PDGFC: variants seen among roughly 807,000 people sequenced by gnomAD.
The protein encoded by PDGFC is platelet derived growth factor C.
PDGFC carries 12 observed loss-of-function variants against 35.5 expected under a neutral mutation model. The observed-to-expected ratio is 0.34, with a 90% CI of 0.22 to 0.55. The LOEUF is 0.55. PDGFC is among the 20% of genes least tolerant of loss of function. The pLI is 0.91. For synonymous variants in PDGFC, 159 were observed against 148.8 expected (o/e 1.07, Z -0.50); for missense variants, 322 against 412.4 (o/e 0.78, Z 1.90).
At chr4:156,836,971 G>A (rs964561699) in intron 2 of PDGFC, among the ~76,000 whole-genome samples, 2 of 152,156 alleles carry the variant, frequency 1.3e-5, no homozygotes, top group African/African-American at 2.4e-5. Context: ...TTCTTTAGGA[G>A]TGAGGCTGTT....
intron 1 of PDGFC, among the ~76,000 whole-genome samples, chr4:156,965,944 C>A (rs1732455985): frequency 6.6e-6 from 1 of 152,114 alleles, no homozygotes. Flanking sequence ...GCAGAAGTAT[C>A]TCAGAGGCCT....
At chr4:156,849,236 A>C (rs1329137540) in intron 2 of PDGFC, among the ~76,000 whole-genome samples, 1 of 152,034 alleles carries the variant, frequency 6.6e-6, no homozygotes, top group African/African-American at 2.4e-5. Context: ...TAGTTCTCAA[A>C]GTCTAAAATT....
At chr4:156,872,290 A>G (rs1163214952) in intron 1 of PDGFC, among the ~76,000 whole-genome samples, 2 of 152,242 alleles carry the variant, frequency 1.3e-5, no homozygotes, top group Non-Finnish European at 2.9e-5. Context: ...GAGAAATCCA[A>G]GCAATGAAGC....
chr4:156,852,658 G>A (rs1401488618), intron 1 of PDGFC, among the ~76,000 whole-genome samples: 1 of 152,126 alleles, frequency 6.6e-6, no homozygotes, highest in African/African-American at 2.4e-5. Context: ...CCCATGATTA[G>A]GTTAGTTGAC....
chr4:156,812,756 G>C (rs1363057472), intron 2 of PDGFC, among the ~76,000 whole-genome samples: 1 of 151,986 alleles, frequency 6.6e-6, no homozygotes, highest in Non-Finnish European at 1.5e-5. Context: ...ACCTAACTCA[G>C]AGACATTTGA....
chr4:156,811,293 G>C (rs1731926197), intron 2 of PDGFC, among the ~76,000 whole-genome samples: 1 of 152,010 alleles, frequency 6.6e-6, no homozygotes, highest in African/African-American at 2.4e-5. Flanking sequence ...CATTTTGTAA[G>C]GAGCAACCCT....
chr4:156,898,730 G>A (rs1213598855), intron 1 of PDGFC, among the ~76,000 whole-genome samples: 1 of 151,958 alleles, frequency 6.6e-6, no homozygotes, highest in Non-Finnish European at 1.5e-5. Flanking sequence ...ACAAACACAG[G>A]CCACTGCAGC....
intron 3 of PDGFC, among the ~76,000 whole-genome samples, chr4:156,783,068 G>A (rs770651298): frequency 1.3e-5 from 2 of 152,126 alleles, no homozygotes; most frequent in Non-Finnish European, 2.9e-5. Context: ...CTAGAGCTTA[G>A]AGAATTAGAA....
intron 1 of PDGFC, among the ~76,000 whole-genome samples, chr4:156,874,554 T>C (rs1322083483): frequency 6.6e-6 from 1 of 151,940 alleles, no homozygotes; most frequent in African/African-American, 2.4e-5. Context: ...GTCAATGAAA[T>C]TGAAATAAAA....
chr4:156,928,882 A>C (rs1731482609), intron 1 of PDGFC, among the ~76,000 whole-genome samples: 2 of 152,336 alleles, frequency 1.3e-5, no homozygotes, highest in South Asian at 4.1e-4. Context: ...GTTTATCTCT[A>C]TGATGTTGGT....
At chr4:156,790,180 T>A (rs1266975166) in intron 3 of PDGFC, among the ~76,000 whole-genome samples, 1 of 152,116 alleles carries the variant, frequency 6.6e-6, no homozygotes, top group Non-Finnish European at 1.5e-5. Flanking sequence ...ACATAAGCTA[T>A]CTAATTTAAT....
chr4:156,826,174 A>AATTTTTT (rs1288749370), intron 2 of PDGFC, among the ~76,000 whole-genome samples: 2 of 43,770 alleles, frequency 4.6e-5, no homozygotes, highest in African/African-American at 1.6e-4. Context: ...TTTGAGTTGG[A>AATTTTTT]TTTTTTTTTT....
intron 1 of PDGFC, among the ~76,000 whole-genome samples, chr4:156,964,057 T>C (rs1241925473): frequency 6.6e-6 from 1 of 151,764 alleles, no homozygotes; most frequent in Non-Finnish European, 1.5e-5. Context: ...TTAAGGTCAC[T>C]CACTGAATAT....
chr4:156,950,918 T>C (rs1297875624), intron 1 of PDGFC, among the ~76,000 whole-genome samples: 1 of 151,908 alleles, frequency 6.6e-6, no homozygotes, highest in Non-Finnish European at 1.5e-5. Context: ...AAAAATTCAC[T>C]TATTGAATCT....
intron 1 of PDGFC, among the ~76,000 whole-genome samples, chr4:156,954,779 C>A (rs1001484221): frequency 6.6e-6 from 1 of 151,912 alleles, no homozygotes; most frequent in Non-Finnish European, 1.5e-5. Context: ...TGAAGCCAGA[C>A]GTTAGGCGCA....
At chr4:156,875,285 T>C (rs996610948) in intron 1 of PDGFC, among the ~76,000 whole-genome samples, 5 of 152,124 alleles carry the variant, frequency 3.3e-5, no homozygotes, top group Admixed American at 6.5e-5. Flanking sequence ...TGTCACCATA[T>C]GGAACACAAT....
In PDGFC at chr4:156,770,655, A is replaced by T. The variant is rs139896263; in HGVS notation, c.703+2031T>A. 506 of 152,240 alleles carry T rather than the reference A, an allele frequency of 3.3e-3. 3 individuals are homozygous for T. The highest frequency in any genetic ancestry group is 0.011 in the African/African-American group (446 of 41,586). 9.4% of individuals were successfully genotyped at this position (152,240 alleles called of 1,614,324 possible). On this transcript the variant is annotated intron_variant, in intron 4 of 5. Transcript: ENST00000502773. ...TTCATAATTATCTCCTAAGAAAACA[A>T]ATACAGGTATTAGTTTGTTTTTCTA...
intron 3 of PDGFC, among the ~76,000 whole-genome samples, chr4:156,802,965 G>A (rs977964702): frequency 2.6e-5 from 4 of 151,984 alleles, no homozygotes; most frequent in African/African-American, 9.7e-5. Context: ...TACTCTCTTC[G>A]CAAACAAGGA....
chr4:156,954,602 A>G (rs927438211), intron 1 of PDGFC, among the ~76,000 whole-genome samples: 2 of 152,034 alleles, frequency 1.3e-5, no homozygotes, highest in Admixed American at 1.3e-4. Flanking sequence ...TTCCCTGTTT[A>G]AAAATAAGTT....
Sources: allele counts gnomAD v4.1 joint callset (sites outside exome capture counted in the v4.1 genomes callset), GRCh38; gene constraint gnomAD v4.1.1; transcripts MANE v1.5; gene names NCBI Gene and HGNC (gene_info 2026-07-23, HGNC 2026-07-21).